The following FAAH2 variants were observed in gnomAD, a reference collection of about 807,000 sequenced individuals.
FAAH2 encodes the protein fatty acid amide hydrolase 2, also known as fatty-acid amide hydrolase 2.
Under a neutral mutation model 36.9 loss-of-function variants are expected in FAAH2, and 60 were observed. The observed-to-expected ratio is 1.63, with a 90% CI of 1.32 to 2.02. FAAH2 has a LOEUF of 2.02. FAAH2 is among the 30% of genes most tolerant of loss of function. The pLI is 0.00. For synonymous variants in FAAH2, 214 were observed against 143.8 expected (o/e 1.49, Z -3.49); for missense variants, 689 against 397.5 (o/e 1.73, Z -6.23).
intron 10 of FAAH2, among the ~76,000 whole-genome samples, chrX:57,456,207 A>G (rs1333762223): frequency 8.9e-6 from 1 of 112,047 alleles, no homozygotes; most frequent in Non-Finnish European, 1.9e-5. Flanking sequence ...CTCTTGGGCA[A>G]AAAACAAAAT....
chrX:57,241,632 G>T, the FAAH2 span, among the ~76,000 whole-genome samples: 1 of 111,306 alleles, frequency 9.0e-6, no homozygotes, highest in Admixed American at 9.5e-5. Flanking sequence ...AGAGATTCTG[G>T]TGCACCATCA....
intron 10 of FAAH2, among the ~76,000 whole-genome samples, chrX:57,453,965 C>G (rs2056827417): frequency 9.0e-6 from 1 of 111,604 alleles, no homozygotes; most frequent in Non-Finnish European, 1.9e-5. Context: ...TGAGGGAGCC[C>G]ATGGACCAGA....
chrX:57,166,965 T>C, the FAAH2 span, among the ~76,000 whole-genome samples: 1 of 111,830 alleles, frequency 8.9e-6, no homozygotes, highest in African/African-American at 3.2e-5. Flanking sequence ...CTTCATCATA[T>C]GTTTATAGTT....
chrX:57,467,177 C>T (rs1195589831), intron 10 of FAAH2, among the ~76,000 whole-genome samples: 4 of 111,326 alleles, frequency 3.6e-5, no homozygotes, highest in African/African-American at 6.5e-5. Context: ...GCATGAGCGA[C>T]GCAGAAGATG....
At chrX:57,304,763 G>T (rs2052471871) in intron 2 of FAAH2, among the ~76,000 whole-genome samples, 1 of 111,764 alleles carries the variant, frequency 8.9e-6, no homozygotes, top group Admixed American at 9.5e-5. Flanking sequence ...ATGACTTTGA[G>T]TGAGTCCTTA....
chrX:57,277,994 C>T, the FAAH2 span, among the ~76,000 whole-genome samples: 2 of 111,558 alleles, frequency 1.8e-5, no homozygotes, highest in Non-Finnish European at 3.8e-5. Flanking sequence ...AATGGCCATA[C>T]TGCACAAGAT....
At chrX:57,401,910 G>A (rs1000676245) in intron 7 of FAAH2, among the ~76,000 whole-genome samples, 2 of 111,420 alleles carry the variant, frequency 1.8e-5, no homozygotes, top group Non-Finnish European at 3.8e-5. Context: ...AATTAGACAA[G>A]CATGTGAAAA....
At chrX:57,373,603 T>C (rs1216091271) in intron 5 of FAAH2, among the ~76,000 whole-genome samples, 3 of 111,408 alleles carry the variant, frequency 2.7e-5, no homozygotes, top group Non-Finnish European at 5.7e-5. Flanking sequence ...GTTTGAGTTC[T>C]TTCTAGATTT....
chrX:57,221,343 T>C, the FAAH2 span, among the ~76,000 whole-genome samples: 1 of 111,302 alleles, frequency 9.0e-6, no homozygotes, highest in Non-Finnish European at 1.9e-5. Flanking sequence ...CTTTTTCTTG[T>C]CCCCCATCTG....
At chrX:57,268,977 C>T in the FAAH2 span, among the ~76,000 whole-genome samples, 2 of 111,486 alleles carry the variant, frequency 1.8e-5, no homozygotes, top group Non-Finnish European at 3.8e-5. Flanking sequence ...CATCAGTATG[C>T]TGTCTTCAAG....
chrX:57,428,774 C>G (rs1001592927), intron 7 of FAAH2, among the ~76,000 whole-genome samples: 2 of 111,705 alleles, frequency 1.8e-5, no homozygotes, highest in Non-Finnish European at 3.8e-5. Context: ...AAGACCAAAA[C>G]TATAAAAATA....
At chrX:57,429,282 T>G (rs1303146969) in intron 7 of FAAH2, among the ~76,000 whole-genome samples, 2 of 102,757 alleles carry the variant, frequency 1.9e-5, no homozygotes, top group African/African-American at 7.2e-5. Context: ...GAGCTTGCAG[T>G]GAGCCCAGAT....
intron 3 of FAAH2, among the ~76,000 whole-genome samples, chrX:57,312,313 A>G: frequency 8.9e-6 from 1 of 111,920 alleles, no homozygotes; most frequent in Non-Finnish European, 1.9e-5. Flanking sequence ...AAACTACAAC[A>G]TCAATCAATC....
intron 3 of FAAH2, among the ~76,000 whole-genome samples, chrX:57,323,355 G>A (rs1386619624): frequency 2.7e-5 from 3 of 111,480 alleles, no homozygotes; most frequent in African/African-American, 9.8e-5. Flanking sequence ...ATCCAGTAAT[G>A]GGATGGCTGG....
chrX:57,176,319 G>T, the FAAH2 span, among the ~76,000 whole-genome samples: 1 of 109,291 alleles, frequency 9.1e-6, no homozygotes, highest in African/African-American at 3.3e-5. Context: ...TAATTCAAAA[G>T]CTTTCTCTTT....
the FAAH2 span, among the ~76,000 whole-genome samples, chrX:57,237,451 C>G: frequency 1.8e-5 from 2 of 110,605 alleles, no homozygotes; most frequent in African/African-American, 6.5e-5. Flanking sequence ...AATTTTAACT[C>G]AATTTTATAC....
intron 7 of FAAH2, among the ~76,000 whole-genome samples, chrX:57,424,874 G>T (rs1433632863): frequency 1.8e-5 from 2 of 111,571 alleles, no homozygotes; most frequent in East Asian, 5.6e-4. Flanking sequence ...GGTAGCAATG[G>T]ATCCTAATCA....
chrX:57,274,166 T>A, the FAAH2 span, among the ~76,000 whole-genome samples: 406 of 111,717 alleles, frequency 3.6e-3, 4 homozygotes, highest in African/African-American at 0.012. Flanking sequence ...CTAGAAGAAA[T>A]GGATAAATCC....
At chrX:57,447,250 C>T (rs1355478895) in intron 9 of FAAH2, among the ~76,000 whole-genome samples, 2 of 111,509 alleles carry the variant, frequency 1.8e-5, no homozygotes, top group Admixed American at 1.9e-4. Flanking sequence ...TTGGGCAGCT[C>T]CACCCCTATG....
Sources: gnomAD v4.1 joint callset for allele counts (sites outside exome capture counted in the v4.1 genomes callset) on GRCh38, gnomAD v4.1.1 for gene constraint, MANE v1.5 for transcripts, NCBI Gene and HGNC (gene_info 2026-07-23, HGNC 2026-07-21) for gene names.